GLIS3: variants seen among roughly 807,000 people sequenced by gnomAD.
GLIS3 encodes zinc finger protein GLIS3.
A neutral mutation model predicts 78.6 loss-of-function variants in GLIS3; 53 were observed. That is an observed-to-expected ratio of 0.67 (90% CI 0.54 to 0.85). GLIS3 has a LOEUF of 0.85. Ranked by LOEUF, GLIS3 falls within the 40% of genes least tolerant of loss-of-function variation. The pLI is 0.00. For synonymous variants in GLIS3, 684 were observed against 509.9 expected (o/e 1.34, Z -4.60); for missense variants, 1,703 against 1,231.1 (o/e 1.38, Z -5.74).
chr9:4,371,627 G>C, the GLIS3 span, among the ~76,000 whole-genome samples: 3 of 152,028 alleles, frequency 2.0e-5, no homozygotes, highest in East Asian at 5.8e-4. Context: ...ACTAGGTATA[G>C]GACTACCACT....
At chr9:4,150,995 G>A (rs888786119) in intron 2 of GLIS3, 1 of 152,174 alleles carries the variant, frequency 6.6e-6, no homozygotes, top group Non-Finnish European at 1.5e-5. Context: ...GATGGCAGAT[G>A]ATCGACTCCT....
At chr9:4,113,517 T>C (rs994924340) in intron 4 of GLIS3, among the ~76,000 whole-genome samples, 2 of 152,240 alleles carry the variant, frequency 1.3e-5, no homozygotes, top group Admixed American at 6.5e-5. Context: ...TTATTCATTA[T>C]TGCCAATATG....
intron 4 of GLIS3, among the ~76,000 whole-genome samples, chr9:4,308,375 A>C (rs190220810): frequency 1.3e-5 from 2 of 152,246 alleles, no homozygotes; most frequent in East Asian, 3.9e-4. Flanking sequence ...GGAATGAAGG[A>C]GGAAGACAGG....
chr9:4,197,264 G>A (rs1386949891), intron 2 of GLIS3, among the ~76,000 whole-genome samples: 3 of 152,076 alleles, frequency 2.0e-5, no homozygotes, highest in African/African-American at 7.2e-5. Context: ...TGTGCAAGGG[G>A]GCCCTCTCCA....
At chr9:3,982,446 C>G (rs1472500345) in intron 4 of GLIS3, among the ~76,000 whole-genome samples, 1 of 152,162 alleles carries the variant, frequency 6.6e-6, no homozygotes, top group Admixed American at 6.5e-5. Flanking sequence ...TTGTAAAGAT[C>G]AAAGTTTTGC....
chr9:3,892,388 G>A (rs750702231), intron 7 of GLIS3, among the ~76,000 whole-genome samples: 14 of 152,178 alleles, frequency 9.2e-5, no homozygotes, highest in Non-Finnish European at 1.9e-4. Context: ...GGGCACCTGA[G>A]CAGGGCAGAT....
chr9:4,201,551 G>C (rs1017384306), intron 2 of GLIS3, among the ~76,000 whole-genome samples: 1 of 152,194 alleles, frequency 6.6e-6, no homozygotes, highest in East Asian at 1.9e-4. Context: ...CATTCAAGCT[G>C]AGAGCCTAAT....
In GLIS3 at chr9:4,118,653, G is replaced by A. The variant is rs1315230145; in HGVS notation, c.825C>T (p.Gly275=). 1.2e-6 allele frequency: 2 copies of A among 1,614,022 alleles called. No homozygotes were observed. Among genetic ancestry groups the A allele is most frequent in the African/African-American group, 1.3e-5 (1 of 74,910 alleles). ...VSNSLPSYLF[G]TESSHSPYPS... ...GGTAAGGAGAGTGGCTACTTTCCGTGCCAAAAAGGTAGGATGGTAATGAGT... is the reference window on the plus strand; with the variant it reads ...GGTAAGGAGAGTGGCTACTTTCCGTACCAAAAAGGTAGGATGGTAATGAGT... The change falls in exon 4 of 11, where the codon GGC becomes GGT. Residue 275 remains glycine, a synonymous_variant. Coordinates refer to ENST00000381971, the MANE Select transcript of GLIS3 (RefSeq NM_001042413.2). This position sits in a 1 kb window ranked among gnomAD's most constrained non-coding sequence, Gnocchi z 4.7.
At chr9:3,942,556 A>G (rs1816004736) in intron 4 of GLIS3, among the ~76,000 whole-genome samples, 1 of 152,204 alleles carries the variant, frequency 6.6e-6, no homozygotes, top group African/African-American at 2.4e-5. Flanking sequence ...TACTTCTGTG[A>G]CTCAGAAAAG....
At chr9:3,876,894 C>G (rs1346573868) in intron 8 of GLIS3, among the ~76,000 whole-genome samples, 1 of 151,412 alleles carries the variant, frequency 6.6e-6, no homozygotes, top group African/African-American at 2.4e-5. Context: ...AGGAACTTGC[C>G]CACAGCCAAA....
At chr9:4,309,594 T>TA (rs1817309649) in intron 3 of GLIS3, among the ~76,000 whole-genome samples, 1 of 152,214 alleles carries the variant, frequency 6.6e-6, no homozygotes, top group African/African-American at 2.4e-5. Flanking sequence ...AAGGCAAACT[T>TA]ACTACTTTAT....
chr9:3,979,917 C>T (rs945827616), intron 4 of GLIS3, among the ~76,000 whole-genome samples: 4 of 152,116 alleles, frequency 2.6e-5, no homozygotes, highest in Non-Finnish European at 5.9e-5. Context: ...GAGGAGCAGA[C>T]CGACAGCAGA....
chr9:4,239,801 A>C (rs1357994985), intron 2 of GLIS3, among the ~76,000 whole-genome samples: 1 of 152,352 alleles, frequency 6.6e-6, no homozygotes, highest in African/African-American at 2.4e-5. Context: ...TGCAGTAGAT[A>C]AAAGAACTGT....
chr9:4,407,214 T>A, the GLIS3 span, among the ~76,000 whole-genome samples: 1 of 152,188 alleles, frequency 6.6e-6, no homozygotes, highest in African/African-American at 2.4e-5. Flanking sequence ...CTTCAATAAG[T>A]GACACTGGGA....
At chr9:4,038,072 C>T (rs1824483848) in intron 4 of GLIS3, among the ~76,000 whole-genome samples, 1 of 152,160 alleles carries the variant, frequency 6.6e-6, no homozygotes, top group African/African-American at 2.4e-5. Flanking sequence ...GGGAGAAGAA[C>T]ATCTTTCCCC....
At chr9:4,413,068 C>A in the GLIS3 span, among the ~76,000 whole-genome samples, 1 of 152,152 alleles carries the variant, frequency 6.6e-6, no homozygotes, top group African/African-American at 2.4e-5. Context: ...TCTAGCACTA[C>A]CCTAACAAAT....
At chr9:3,905,338 AGGAG>A (rs1408190058) in intron 6 of GLIS3, among the ~76,000 whole-genome samples, 1 of 151,966 alleles carries the variant, frequency 6.6e-6, no homozygotes, top group Non-Finnish European at 1.5e-5. Context: ...AGCTTGTTCT[AGGAG>A]GGAAAGAACC....
chr9:4,335,972 A>G (rs879771919), intron 2 of GLIS3, among the ~76,000 whole-genome samples: 6 of 152,224 alleles, frequency 3.9e-5, no homozygotes, highest in Admixed American at 3.9e-4. Context: ...CAGGTGATGA[A>G]GAAGAAAGGG....
At chr9:4,154,389 T>C (rs931656745) in intron 2 of GLIS3, among the ~76,000 whole-genome samples, 4 of 152,146 alleles carry the variant, frequency 2.6e-5, no homozygotes, top group African/African-American at 7.2e-5. Flanking sequence ...AAGAGATAAA[T>C]ATTAAAATAA....
Sources: gnomAD v4.1 joint callset for allele counts (sites outside exome capture counted in the v4.1 genomes callset) on GRCh38, gnomAD v4.1.1 for gene constraint, Gnocchi (gnomAD v3.1) non-coding constraint, MANE v1.5 for transcripts, NCBI Gene and HGNC (gene_info 2026-07-23, HGNC 2026-07-21) for gene names.